Variants in ZMYM3 observed in about 807,000 individuals in gnomAD.
The protein encoded by ZMYM3 is zinc finger MYM-type containing 3, also known as zinc finger MYM-type protein 3.
ZMYM3 carries 6 observed loss-of-function variants against 94.2 expected under a neutral mutation model. The ratio of observed to expected loss-of-function variants is 0.06; its 90% confidence interval spans 0.03 to 0.13. The LOEUF (loss-of-function observed/expected upper bound fraction) is 0.13, where lower values mean the gene tolerates loss of function less well. ZMYM3 is among the 10% of genes least tolerant of loss of function. The pLI, the probability that ZMYM3 is intolerant of heterozygous loss-of-function variation, is 1.00. For missense variants in ZMYM3, 664 were observed against 1,132.6 expected, an observed-to-expected ratio of 0.59 and a Z score of 5.94; for synonymous variants, 420 against 426.5, an observed-to-expected ratio of 0.98 and a Z score of 0.19.
chrX:71,252,321 CTTCCCACCAAA>C (rs2030517885), intron 2 of ZMYM3, among the ~76,000 whole-genome samples: 1 of 110,414 alleles, frequency 9.1e-6, no homozygotes, highest in Non-Finnish European at 1.9e-5. Context: ...AAAGGGAACC[CTTCCCACCAAA>C]TTCACTCCTC....
Position 71,248,258 on chromosome X carries a change from G to A in ZMYM3, c.1879C>T (p.Arg627Trp), listed in dbSNP as rs760615929. Residue 627 changes from arginine (R) to tryptophan (W), a missense_variant, in exon 11 of 25, where the codon CGG (arginine) becomes TGG (tryptophan). Transcript: ENST00000314425. ...TGCTCACACTGGGACACCACACCCC[G>A]AAGCCGCTTGAAGTCCTCACAGCAA... ...RDCCEDFKRL[R>W]GVVSQCEHCR... 5 of 1,205,987 alleles carry A rather than the reference G, an allele frequency of 4.1e-6. No homozygotes were observed. Among genetic ancestry groups the A allele is most frequent in the Non-Finnish European group, 3.4e-6 (3 of 893,058 alleles).
upstream of ZMYM3, chrX:71,254,171 C>A (rs2030651218): frequency 8.9e-6 from 1 of 112,558 alleles, no homozygotes; most frequent in Admixed American, 9.3e-5. Flanking sequence ...GCGCCCAGCG[C>A]TCTGCACCAG....
Position 71,253,230 on chromosome X carries a change from G to A in ZMYM3, c.26C>T (p.Pro9Leu). The change falls in exon 2 of 25, where the codon CCA becomes CTA. Residue 9 changes from proline (P) to leucine (L), a missense_variant. Physicochemically the swap from Pro to Leu is moderately conservative, Grantham distance 98 (BLOSUM62 -3). Around this residue, in one of 9 missense-constraint regions of ZMYM3, gnomAD observed 196 missense variants for 190.8 expected, o/e 1.03. Coordinates refer to ENST00000314425, the MANE Select transcript of ZMYM3 (RefSeq NM_201599.3). MDPSDFPS[P>L]FDPLTLPEKP... is the part of the protein sequence containing the mutation. ...CTCTGGCAGGGTCAATGGGTCAAAT[G>A]GACTGGGGAAATCACTGGGGTCCAT... 2 of 1,171,095 alleles carry A rather than the reference G, an allele frequency of 1.7e-6. No individual in the cohort carries two copies. The highest frequency in any genetic ancestry group is 2.3e-6 in the Non-Finnish European group (2 of 875,133).
At chrX:71,254,460 C>G (rs1024551598), upstream of ZMYM3, 1 of 111,999 alleles carries the variant, frequency 8.9e-6, no homozygotes, top group East Asian at 2.8e-4. Flanking sequence ...AAACACAGAT[C>G]TACGCACCTG....
chrX:71,242,525 A>C, intron 22 of ZMYM3, 101 bp from the exon 23 acceptor site: 453 of 1,027,123 alleles, frequency 4.4e-4, no homozygotes, highest in Non-Finnish European at 5.6e-4. Context: ...CACAATTCTC[A>C]TTTGGTGAGT....
In ZMYM3 at chrX:71,244,310, C is replaced by T. The variant is rs919923636; in HGVS notation, c.3272G>A (p.Arg1091His). The T allele has an allele frequency of 9.9e-6, 12 of 1,206,606 alleles. No homozygotes were observed. Among genetic ancestry groups the T allele is most frequent in the Admixed American group, 6.6e-5 (3 of 45,267 alleles). Residue 1091 changes from arginine to histidine, a missense_variant, in exon 20 of 25, where the codon CGC becomes CAC. Physicochemically the swap from Arg to His is conservative, Grantham distance 29. Coordinates refer to ENST00000314425, the MANE Select transcript of ZMYM3 (RefSeq NM_201599.3). ...NGETSKGDEL[R>H]FGPKPMRIKE... ...CATCCCCAAGTACTTACGGCCAAAG[C>T]GCAGCTCATCACCCTTGCTGGTTTC...
chrX:71,241,289 A>C lies in ZMYM3; in HGVS notation c.3858T>G (p.Arg1286=). ...AGCGGAGGGGATTCATGCGGTTCTC[A>C]CGCTGCTCTAAGATAGGGGCTTCAT... ...REDEAPILEQ[R]ENRMNPLRCP... Residue 1286 remains arginine (R), a synonymous_variant, in exon 24 of 25, where the codon CGT becomes CGG. Coordinates refer to ENST00000314425, the MANE Select transcript of ZMYM3 (RefSeq NM_201599.3). 8.3e-7 allele frequency: 1 copy of C among 1,208,569 alleles called. No individual in the cohort carries two copies. The highest frequency in any genetic ancestry group is 1.7e-5 in the African/African-American group (1 of 57,632).
intron 7 of ZMYM3, 82 bp downstream of exon 7, chrX:71,249,379 G>A (rs1237533070): frequency 5.2e-6 from 6 of 1,146,692 alleles, no homozygotes; most frequent in Non-Finnish European, 7.0e-6. Context: ...CCCAGCCCTT[G>A]ACCCATCAGC....
intron 3 of ZMYM3, 90 bp downstream of exon 3, chrX:71,251,468 T>A: frequency 6.4e-6 from 7 of 1,098,028 alleles, no homozygotes; most frequent in Non-Finnish European, 7.3e-6. Flanking sequence ...ACACACTCTC[T>A]ACAGAACAAC....
At position 71,248,958 on chromosome X, in the gene ZMYM3, G is replaced by A. The variant is rs772265972; in HGVS notation, c.1621+61C>T. The A allele has an allele frequency of 1.6e-4, 187 of 1,190,813 alleles. No individual in the cohort carries two copies. The Middle Eastern group carries it at 6.2e-3, about 40-fold the overall frequency. On this transcript the variant is annotated intron_variant, in intron 8 of 24. Transcript: ENST00000314425. ...GCAGCAAGGATTACTCTGGAAGAGG[G>A]GAGTATGGGAGGTAGAGAGAAGGCC...
chrX:71,242,651 T>A (rs2029997810), intron 22 of ZMYM3, among the ~76,000 whole-genome samples: 1 of 112,278 alleles, frequency 8.9e-6, no homozygotes, highest in African/African-American at 3.2e-5. Flanking sequence ...CTCACCACCC[T>A]CAAGTTGTAG....
At chrX:71,248,834 GAGAA>G in intron 8 of ZMYM3, 33 bp from the exon 9 acceptor site, 1 of 1,128,552 alleles carries the variant, frequency 8.9e-7, no homozygotes, top group Non-Finnish European at 1.2e-6. Flanking sequence ...GAGAGGAAAA[GAGAA>G]AGAGAGAGGG....
In ZMYM3 at chrX:71,241,089, G is replaced by A. The variant is rs2029921401; in HGVS notation, c.3940C>T (p.Arg1314Cys). ...LSKCPESLRT[R>C]NDVFYLQPER... The stretch of plus-strand genomic sequence containing the variant: ...GGTTGCAGGTAGAACACATCGTTGC[G>A]AGTCCGGAGGCTTTCAGGACTGCAA... The change falls in exon 25 of 25, where the codon CGC (arginine) becomes TGC (cysteine). Residue 1314 changes from arginine to cysteine, a missense_variant. Physicochemically the swap from Arg to Cys is radical, Grantham distance 180 (BLOSUM62 -3). Coordinates refer to ENST00000314425, the MANE Select transcript of ZMYM3 (RefSeq NM_201599.3). The A allele has an allele frequency of 2.5e-6, 3 of 1,208,705 alleles. No homozygotes were observed. The highest frequency in any genetic ancestry group is 3.0e-5 in the East Asian group (1 of 33,752).
At chrX:71,244,572 G>A in intron 19 of ZMYM3, 102 bp from the exon 20 acceptor site, 4 of 993,925 alleles carry the variant, frequency 4.0e-6, no homozygotes, top group African/African-American at 1.9e-5. Context: ...AGGGGCTGAT[G>A]TAAGCACACA....
intron 23 of ZMYM3, 130 bp from the exon 24 acceptor site, chrX:71,241,474 G>T: frequency 2.0e-6 from 1 of 488,539 alleles, no homozygotes. Context: ...ATGGAGAGGT[G>T]GAAGAAGAGG....
At chrX:71,243,745 C>T (rs968181334) in intron 21 of ZMYM3, 84 bp downstream of exon 21, 88 of 1,139,349 alleles carry the variant, frequency 7.7e-5, no homozygotes, top group Admixed American at 1.8e-4. Flanking sequence ...CGTGAGCCAC[C>T]GTGCCTAACC....
chrX:71,245,272 G>A (rs2030119392), intron 18 of ZMYM3, 67 bp downstream of exon 18: 2 of 1,168,504 alleles, frequency 1.7e-6, no homozygotes, highest in Admixed American at 4.7e-5. Flanking sequence ...AGGGACACAA[G>A]GGACACTCCC....
intron 19 of ZMYM3, 61 bp downstream of exon 19, chrX:71,244,729 C>T: frequency 3.0e-6 from 3 of 1,011,952 alleles, no homozygotes; most frequent in Non-Finnish European, 2.7e-6. Context: ...GCTTGGCTCT[C>T]GCATCATCTC....
intron 16 of ZMYM3, 64 bp from the exon 17 acceptor site, chrX:71,245,906 G>A: frequency 3.4e-6 from 4 of 1,179,973 alleles, no homozygotes; most frequent in Non-Finnish European, 3.4e-6. Context: ...AAGTTGGGGG[G>A]ACAGATGATG....
Sources: allele counts gnomAD v4.1 joint callset (sites outside exome capture counted in the v4.1 genomes callset), GRCh38; gene constraint gnomAD v4.1.1; regional missense constraint gnomAD v4.1.1; transcripts MANE v1.5; gene names NCBI Gene and HGNC (gene_info 2026-07-23, HGNC 2026-07-21).